The following GPR149 variants were observed in gnomAD, a reference collection of about 807,000 sequenced individuals.
GPR149 encodes probable G protein-coupled receptor 149.
A neutral mutation model predicts 50.2 loss-of-function variants in GPR149; 50 were observed. The observed-to-expected ratio is 1.00, with a 90% CI of 0.79 to 1.26. GPR149 has a LOEUF of 1.26. GPR149 is among the 50% of genes most tolerant of loss of function. The pLI, the probability that GPR149 is intolerant of heterozygous loss-of-function variation, is 0.00. For synonymous variants in GPR149, 405 were observed against 358.2 expected, an observed-to-expected ratio of 1.13 and a Z score of -1.48; for missense variants, 983 against 895.4, an observed-to-expected ratio of 1.10 and a Z score of -1.25.
Position 154,429,682 on chromosome 3 carries a change from C to T in GPR149, c.-67G>A. 2 of 1,392,232 alleles carry T rather than the reference C, an allele frequency of 1.4e-6. No homozygotes were observed. The highest frequency in any genetic ancestry group is 2.0e-6 in the Non-Finnish European group (2 of 1,008,298). 86.2% of individuals were successfully genotyped at this position (1,392,232 alleles called of 1,614,324 possible). ...ATAATTTTCTCAAAAGAAAGACCGG[C>T]TGCTGCAAATCAGATTTCATTCCTC... On this transcript the variant is annotated 5_prime_UTR_variant, in exon 1 of 4. Transcript: ENST00000389740.
At chr3:154,351,064 C>A (rs1172524456) in intron 3 of GPR149, among the ~76,000 whole-genome samples, 1 of 151,638 alleles carries the variant, frequency 6.6e-6, no homozygotes, top group Non-Finnish European at 1.5e-5. Flanking sequence ...ATATAGGAAC[C>A]CACAGATACA....
At chr3:154,419,595 A>G (rs959432102) in intron 3 of GPR149, among the ~76,000 whole-genome samples, 1 of 152,102 alleles carries the variant, frequency 6.6e-6, no homozygotes, top group East Asian at 1.9e-4. Context: ...AGAAGAATAC[A>G]ACAAAAAATA....
At chr3:154,394,107 AC>A (rs1430484865) in intron 3 of GPR149, among the ~76,000 whole-genome samples, 1 of 152,072 alleles carries the variant, frequency 6.6e-6, no homozygotes, top group African/African-American at 2.4e-5. Flanking sequence ...AATAGCCAAA[AC>A]AATTTTAAGA....
chr3:154,354,419 T>C (rs10212118), intron 3 of GPR149, among the ~76,000 whole-genome samples: 36,317 of 152,144 alleles, frequency 0.24, 4,637 homozygotes, highest in South Asian at 0.33. Context: ...GTCTCATTCT[T>C]TTGTTGAATG....
chr3:154,425,243 A>G (rs73000793), intron 2 of GPR149, among the ~76,000 whole-genome samples: 3,824 of 152,198 alleles, frequency 0.025, 163 homozygotes, highest in African/African-American at 0.087. Flanking sequence ...CATCTTCAAC[A>G]TTAACCTATG....
intron 3 of GPR149, among the ~76,000 whole-genome samples, chr3:154,370,377 C>A (rs1331503629): frequency 6.6e-6 from 1 of 152,154 alleles, no homozygotes; most frequent in Non-Finnish European, 1.5e-5. Context: ...CTCAGACAGG[C>A]AGACCTTGGT....
At chr3:154,355,682 A>T (rs1559972545) in intron 3 of GPR149, among the ~76,000 whole-genome samples, 1 of 152,228 alleles carries the variant, frequency 6.6e-6, no homozygotes, top group Non-Finnish European at 1.5e-5. Flanking sequence ...ATAAAATTTC[A>T]TCAGGAATAA....
At chr3:154,396,131 C>T (rs1034892193) in intron 3 of GPR149, among the ~76,000 whole-genome samples, 1 of 151,990 alleles carries the variant, frequency 6.6e-6, no homozygotes, top group African/African-American at 2.4e-5. Context: ...ATTTTTCATT[C>T]GGATCAACTC....
intron 1 of GPR149, among the ~76,000 whole-genome samples, chr3:154,428,317 A>G (rs1157621541): frequency 1.3e-5 from 2 of 151,920 alleles, no homozygotes; most frequent in African/African-American, 4.8e-5. Flanking sequence ...TTTTCTGAAT[A>G]CTCTCTGATT....
chr3:154,407,657 G>GTA (rs970677100), intron 3 of GPR149, among the ~76,000 whole-genome samples: 4 of 149,076 alleles, frequency 2.7e-5, no homozygotes, highest in African/African-American at 1.0e-4. Flanking sequence ...AAGCATATGT[G>GTA]TATATATATG....
At chr3:154,427,484 T>G in intron 2 of GPR149, 32 bp downstream of exon 2, 2 of 1,558,972 alleles carry the variant, frequency 1.3e-6, no homozygotes, top group Non-Finnish European at 1.7e-6. Flanking sequence ...TAATGCATAT[T>G]GCTGCCAATC....
At chr3:154,422,388 G>A (rs1712171668) in intron 2 of GPR149, among the ~76,000 whole-genome samples, 1 of 151,532 alleles carries the variant, frequency 6.6e-6, no homozygotes, top group Non-Finnish European at 1.5e-5. Context: ...ATATCAAGGT[G>A]GTAGACAAGA....
chr3:154,428,959 C>G lies in GPR149; in HGVS notation c.657G>C (p.Ser219=), dbSNP rs1338304511. 1 of 1,614,024 alleles carries G rather than the reference C, an allele frequency of 6.2e-7. No homozygotes were observed. The highest frequency in any genetic ancestry group is 1.1e-5 in the South Asian group (1 of 91,068). ...TGGAGTGGAGTCTCGGCGGCTCCTC[C>G]GAACACAGCAATCGGTGAGTGAGTG... The part of the protein sequence containing the change: ...SVPLTHRLLC[S]EEPPRLHSNY... The change falls in exon 1 of 4, where the codon TCG becomes TCC. Residue 219 remains serine, a synonymous_variant. Transcript: ENST00000389740.
At chr3:154,384,220 A>G (rs766116355) in intron 3 of GPR149, among the ~76,000 whole-genome samples, 1 of 152,200 alleles carries the variant, frequency 6.6e-6, no homozygotes, top group East Asian at 1.9e-4. Flanking sequence ...GCCTCGGGTG[A>G]GATCTTATTT....
chr3:154,388,167 A>G (rs1434453482), intron 3 of GPR149, among the ~76,000 whole-genome samples: 2 of 152,208 alleles, frequency 1.3e-5, no homozygotes, highest in Admixed American at 1.3e-4. Context: ...TTAATGAGTT[A>G]TTTAGAAAAA....
chr3:154,347,857 AC>A (rs1713972640), intron 3 of GPR149, among the ~76,000 whole-genome samples: 2 of 152,146 alleles, frequency 1.3e-5, no homozygotes. Context: ...CAAGATCTGA[AC>A]TTCAGTAGGT....
chr3:154,337,630 A>G lies in GPR149; in HGVS notation c.*69T>C. 1 of 1,179,022 alleles carries G rather than the reference A, an allele frequency of 8.5e-7. No individual in the cohort carries two copies. Among genetic ancestry groups the G allele is most frequent in the Non-Finnish European group, 1.2e-6 (1 of 841,356 alleles). 73.0% of individuals were successfully genotyped at this position (1,179,022 alleles called of 1,614,324 possible). ...CAACAAATAAAAGGAAATCAGTCTC[A>G]TAACAAAGGTGTTAGTTTCACAGTT... On this transcript the variant is annotated 3_prime_UTR_variant, in exon 4 of 4. Transcript: ENST00000389740.
intron 3 of GPR149, among the ~76,000 whole-genome samples, chr3:154,363,117 G>A (rs72998665): frequency 0.013 from 1,967 of 152,246 alleles, 43 homozygotes; most frequent in African/African-American, 0.045. Context: ...GAGGTTGAGG[G>A]GAGATGAAAC....
At chr3:154,368,258 C>T (rs888216212) in intron 3 of GPR149, among the ~76,000 whole-genome samples, 1 of 152,216 alleles carries the variant, frequency 6.6e-6, no homozygotes, top group East Asian at 1.9e-4. Flanking sequence ...CTTCTTTTCT[C>T]ATCTTGCAAG....
Sources: gnomAD v4.1 joint callset for allele counts (sites outside exome capture counted in the v4.1 genomes callset) on GRCh38, gnomAD v4.1.1 for gene constraint, MANE v1.5 for transcripts, NCBI Gene and HGNC (gene_info 2026-07-23, HGNC 2026-07-21) for gene names.